PLXNB2: variants seen among roughly 807,000 people sequenced by gnomAD.
PLXNB2 encodes the protein plexin-B2.
PLXNB2 carries 85 observed loss-of-function variants against 202.6 expected under a neutral mutation model. The ratio of observed to expected loss-of-function variants is 0.42; its 90% CI spans 0.35 to 0.50. PLXNB2 has a LOEUF of 0.50. PLXNB2 is among the 20% of genes least tolerant of loss of function. The pLI, the probability that PLXNB2 is intolerant of heterozygous loss-of-function variation, is 0.02. For missense variants in PLXNB2, 2,063 were observed against 2,586.2 expected, an observed-to-expected ratio of 0.80 and a Z score of 4.39; for synonymous variants, 1,239 against 1,137.6, an observed-to-expected ratio of 1.09 and a Z score of -1.79.
At chr22:50,286,127 C>T (rs764840085) in intron 9 of PLXNB2, 29 bp from the exon 10 acceptor site, 2 of 1,610,756 alleles carry the variant, frequency 1.2e-6, no homozygotes, top group African/African-American at 1.3e-5. Flanking sequence ...GTGAGCAGGG[C>T]TGGGGTGGAC....
chr22:50,289,249 G>T lies in PLXNB2; in HGVS notation c.1069-107C>A. On this transcript the variant is annotated intron_variant, in intron 3 of 36. Transcript: ENST00000359337. The surrounding 1 kb of genome is among the most constrained non-coding windows in gnomAD (Gnocchi z 8.0). ...GGCCCTTCCCTTCCCTCCGGCACAC[G>T]TCCTACACACGTCCCCGAGAACAGA... 1 of 1,075,778 alleles carries T rather than the reference G, an allele frequency of 9.3e-7. No individual in the cohort carries two copies. Among genetic ancestry groups the T allele is most frequent in the Non-Finnish European group, 1.3e-6 (1 of 768,810 alleles). The allele number at this position is 1,075,778 out of a possible 1,614,324, so 66.6% of individuals were successfully genotyped here. A position where few individuals can be genotyped will look rare whatever the true frequency, so the allele number is the denominator to read the frequency against.
intron 1 of PLXNB2, chr22:50,301,542 G>GA: frequency 3.5e-6 from 1 of 283,774 alleles, no homozygotes; most frequent in Non-Finnish European, 5.3e-6. Context: ...CCTGAAAGGA[G>GA]GCCTCCCGGC....
At chr22:50,300,249 G>A in intron 1 of PLXNB2, 1 of 984,554 alleles carries the variant, frequency 1.0e-6, no homozygotes, top group Non-Finnish European at 1.2e-6. Flanking sequence ...CACGAGCGCA[G>A]GAGACGTCGT....
rs924925856 is a variant in PLXNB2 at position 50,291,682 on chromosome 22, C to T, written c.-13-1085G>A. 1.3e-5 allele frequency among the ~76,000 whole-genome samples: 2 copies of T among 152,214 alleles called. No homozygotes were observed. Among genetic ancestry groups the T allele is most frequent in the South Asian group, 2.1e-4 (1 of 4,818 alleles). On this transcript the variant is annotated intron_variant, in intron 2 of 36. Coordinates refer to ENST00000359337, the MANE Select transcript of PLXNB2 (RefSeq NM_012401.4). This position sits in a 1 kb window ranked among gnomAD's most constrained non-coding sequence, Gnocchi z 4.3. ...GAGCTCTTCCTCAGGGTGGTCCGTC[C>T]CTCTCACGCTAGGGACCCTGCTCCA...
chr22:50,294,203 G>A (rs561135195), intron 2 of PLXNB2, among the ~76,000 whole-genome samples: 2 of 152,386 alleles, frequency 1.3e-5, no homozygotes, highest in Admixed American at 6.5e-5. Flanking sequence ...CCCCACTTAC[G>A]GGGCTGGCGG....
intron 1 of PLXNB2, among the ~76,000 whole-genome samples, chr22:50,298,193 G>A (rs1402450721): frequency 1.3e-5 from 2 of 152,232 alleles, no homozygotes; most frequent in African/African-American, 4.8e-5. Flanking sequence ...ACCTGTCCCC[G>A]CAGGTCACCC....
chr22:50,281,287 G>C (rs527555983), intron 22 of PLXNB2, 73 bp downstream of exon 22: 1 of 1,584,054 alleles, frequency 6.3e-7, no homozygotes, highest in East Asian at 2.3e-5. Flanking sequence ...GCAGGGCGGC[G>C]GATGAGGCCA....
chr22:50,289,926 G>A lies in PLXNB2; in HGVS notation c.659C>T (p.Ala220Val), dbSNP rs75911819. 2,316 of 1,613,204 alleles carry A rather than the reference G, an allele frequency of 1.4e-3. 38 individuals carry two copies. In the African/African-American group the frequency reaches 0.026, roughly 18 times the overall value. Residue 220 changes from alanine (A) to valine (V), a missense_variant, in exon 3 of 37, where the codon GCG (alanine) becomes GTG (valine). By Grantham distance (64) the Ala-to-Val change is moderately conservative. Coordinates refer to ENST00000359337, the MANE Select transcript of PLXNB2 (RefSeq NM_012401.4). The surrounding 1 kb of genome is among the most constrained non-coding windows in gnomAD (Gnocchi z 8.0). Reference protein sequence around the residue: ...YLSTNTQQFVAAFEDGPYVFF... With the variant: ...YLSTNTQQFVVAFEDGPYVFF... Reference sequence around the variant, plus strand: ...GACGTAGGGGCCGTCCTCGAAGGCCGCCACGAACTGCTGTGTGTTGGTGGA... The same window carrying A: ...GACGTAGGGGCCGTCCTCGAAGGCCACCACGAACTGCTGTGTGTTGGTGGA...
chr22:50,278,639 C>A lies in PLXNB2; in HGVS notation c.4604G>T (p.Arg1535Leu). ...GTTGACGCGCTTCCACCGGCCCTCC[C>A]GCTGTGACGTCAGGTCCAGGTCCGA... is the stretch of plus-strand genomic sequence containing the variant. ...ILSDLDLTSQ[R>L]EGRWKRVNTL... Residue 1535 changes from arginine to leucine, a missense_variant, in exon 29 of 37, where the codon CGG (arginine) becomes CTG (leucine). Arg to Leu is a moderately radical substitution (Grantham distance 102). Transcript: ENST00000359337. 6.2e-7 allele frequency: 1 copy of A among 1,613,042 alleles called. No homozygotes were observed. Among genetic ancestry groups the A allele is most frequent in the Non-Finnish European group, 8.5e-7 (1 of 1,179,864 alleles).
Position 50,288,525 on chromosome 22 carries a change from A to C in PLXNB2, c.1380+218T>G, listed in dbSNP as rs2066634246. On this transcript the variant is annotated intron_variant, in intron 5 of 36. Coordinates refer to ENST00000359337, the MANE Select transcript of PLXNB2 (RefSeq NM_012401.4). This position sits in a 1 kb window ranked among gnomAD's most constrained non-coding sequence, Gnocchi z 5.0. The stretch of plus-strand genomic sequence containing the variant: ...AGACATGGTTGAGACCACAAAGGAC[A>C]AACAGAAGGAGCGGCAGAGACGGGG... Among the ~76,000 whole-genome samples the C allele has an allele frequency of 6.6e-6, 1 of 152,066 alleles. No individual in the cohort carries two copies. The highest frequency in any genetic ancestry group is 6.6e-5 in the Admixed American group (1 of 15,262).
chr22:50,292,615 T>C (rs2066956977), intron 2 of PLXNB2, among the ~76,000 whole-genome samples: 1 of 152,094 alleles, frequency 6.6e-6, no homozygotes, highest in Admixed American at 6.5e-5. Flanking sequence ...CTGGCCTCTG[T>C]CCTCCCAGGA....
At position 50,279,004 on chromosome 22, in the gene PLXNB2, C is replaced by A; in HGVS notation, c.4397G>T (p.Ser1466Ile). The change falls in exon 28 of 37, where the codon AGC becomes ATC. Residue 1466 changes from serine to isoleucine, a missense_variant. Physicochemically the swap from Ser to Ile is moderately radical, Grantham distance 142. Around this residue, in one of 2 missense-constraint regions of PLXNB2, gnomAD observed 760 missense variants for 1,109.4 expected, o/e 0.69. Transcript: ENST00000359337. ...DDVEYAPLTV[S>I]VIVQDEGVDA... Reference sequence around the variant, plus strand: ...CACTCCCTCGTCCTGCACGATCACGCTCACCGTCTGCCGAGACATCCGGGA... The same window carrying A: ...CACTCCCTCGTCCTGCACGATCACGATCACCGTCTGCCGAGACATCCGGGA... 1 of 1,606,806 alleles carries A rather than the reference C, an allele frequency of 6.2e-7. No individual in the cohort carries two copies. Among genetic ancestry groups the A allele is most frequent in the Non-Finnish European group, 8.5e-7 (1 of 1,175,548 alleles).
chr22:50,306,968 G>A (rs1248427518), intron 1 of PLXNB2, among the ~76,000 whole-genome samples: 3 of 152,198 alleles, frequency 2.0e-5, no homozygotes, highest in Admixed American at 6.5e-5. Context: ...GGCAGGGTCA[G>A]CAGGGGACAG....
Position 50,288,625 on chromosome 22 carries a change from G to A in PLXNB2, c.1380+118C>T. 1 of 1,406,478 alleles carries A rather than the reference G, an allele frequency of 7.1e-7. No homozygotes were observed. The highest frequency in any genetic ancestry group is 1.4e-5 in the South Asian group (1 of 73,124). 87.1% of individuals were successfully genotyped at this position (1,406,478 alleles called of 1,614,324 possible). ...CACCCCTCATCCAGACCAAGGAGAA[G>A]GGCCCAGCTCTGCAGCACCCCATCC... On this transcript the variant is annotated intron_variant, in intron 5 of 36. Coordinates refer to ENST00000359337, the MANE Select transcript of PLXNB2 (RefSeq NM_012401.4). This position sits in a 1 kb window ranked among gnomAD's most constrained non-coding sequence, Gnocchi z 5.0.
At chr22:50,299,310 G>T (rs1601770678) in intron 1 of PLXNB2, among the ~76,000 whole-genome samples, 2 of 114,826 alleles carry the variant, frequency 1.7e-5, no homozygotes, top group South Asian at 6.8e-4. Context: ...TGGGGGGGGG[G>T]CCCGGTGCGG....
In PLXNB2 at chr22:50,287,386, C is replaced by T. The variant is rs1232992505; in HGVS notation, c.1609-122G>A. ...CAGTGGAGCCTCCAGAACCCGACTC[C>T]ACGTCTTCCAATACAGGCCTCTCTG... On this transcript the variant is annotated intron_variant, in intron 7 of 36. Coordinates refer to ENST00000359337, the MANE Select transcript of PLXNB2 (RefSeq NM_012401.4). 4.4e-6 allele frequency: 5 copies of T among 1,132,896 alleles called. No individual in the cohort carries two copies. The African/African-American group carries it at 7.9e-5, about 18-fold the overall frequency. 70.2% of individuals were successfully genotyped at this position (1,132,896 alleles called of 1,614,324 possible). A position where few individuals can be genotyped will look rare whatever the true frequency, so the allele number is the denominator to read the frequency against.
intron 1 of PLXNB2, among the ~76,000 whole-genome samples, chr22:50,306,150 T>C (rs964482369): frequency 7.9e-5 from 12 of 152,176 alleles, no homozygotes; most frequent in Non-Finnish European, 8.8e-5. Context: ...GGAGGGGGAC[T>C]CACATTCCAA....
At chr22:50,278,738 G>A (rs957212648) in intron 28 of PLXNB2, 42 bp from the exon 29 acceptor site, 7 of 1,589,218 alleles carry the variant, frequency 4.4e-6, no homozygotes, top group Non-Finnish European at 6.0e-6. Context: ...AGCCACCCAG[G>A]TTCCTCCCAC....
intron 1 of PLXNB2, among the ~76,000 whole-genome samples, chr22:50,304,411 G>A (rs1338402914): frequency 6.6e-6 from 1 of 152,212 alleles, no homozygotes; most frequent in African/African-American, 2.4e-5. Flanking sequence ...TCTGAGCCAG[G>A]AGGGCCACTG....
Sources: gnomAD v4.1 joint callset for allele counts (sites outside exome capture counted in the v4.1 genomes callset) on GRCh38, gnomAD v4.1.1 for gene constraint, gnomAD v4.1.1 regional missense constraint, Gnocchi (gnomAD v3.1) non-coding constraint, MANE v1.5 for transcripts, NCBI Gene and HGNC (gene_info 2026-07-23, HGNC 2026-07-21) for gene names.